PRKCE: variants seen among roughly 807,000 people sequenced by gnomAD.
The protein encoded by PRKCE is protein kinase C epsilon.
Under a neutral mutation model 85.4 loss-of-function variants are expected in PRKCE, and 16 were observed. The observed-to-expected ratio is 0.19, with a 90% CI of 0.13 to 0.28. PRKCE has a LOEUF of 0.28. PRKCE is among the 10% of genes least tolerant of loss of function. The pLI is 1.00. For missense variants in PRKCE, 573 were observed against 975.2 expected (o/e 0.59, Z 5.49); for synonymous variants, 388 against 371.5 (o/e 1.04, Z -0.51).
intron 1 of PRKCE, among the ~76,000 whole-genome samples, chr2:45,732,653 C>T (rs1681681028): frequency 6.6e-6 from 1 of 152,208 alleles, no homozygotes; most frequent in Non-Finnish European, 1.5e-5. Context: ...AATCCAGCTA[C>T]ACATAGCTTT....
chr2:45,958,806 ATATATATATATTTTTTTTTTTTTTT>A (rs1701164640), intron 2 of PRKCE, among the ~76,000 whole-genome samples: 2 of 22,518 alleles, frequency 8.9e-5, no homozygotes, highest in South Asian at 3.1e-3. Flanking sequence ...ATATATATAT[ATATATATATATTTTTTTTTTTTTTT>A]TTTTTTTTTT....
chr2:45,966,208 T>C (rs6706140), intron 2 of PRKCE, among the ~76,000 whole-genome samples: 69,724 of 152,066 alleles, frequency 0.46, 16,091 homozygotes, highest in African/African-American at 0.54. Flanking sequence ...AGAGGAAGTA[T>C]GTAAGATGCT....
chr2:45,817,091 GTGTGT>G (rs1689118220), intron 1 of PRKCE, among the ~76,000 whole-genome samples: 1 of 151,342 alleles, frequency 6.6e-6, no homozygotes, highest in Non-Finnish European at 1.5e-5. Flanking sequence ...GTGTGTGTGT[GTGTGT>G]GTGTGTGTGT....
intron 1 of PRKCE, among the ~76,000 whole-genome samples, chr2:45,708,678 A>G (rs1679339231): frequency 6.6e-6 from 1 of 152,088 alleles, no homozygotes; most frequent in Non-Finnish European, 1.5e-5. Context: ...TAGTGTGAAA[A>G]CGGACTAATA....
chr2:46,035,630 G>A (rs900625146), intron 10 of PRKCE, among the ~76,000 whole-genome samples: 3 of 152,222 alleles, frequency 2.0e-5, no homozygotes, highest in African/African-American at 7.2e-5. Flanking sequence ...CATTTGTCAT[G>A]TATTTGGCAT....
chr2:45,912,981 G>C (rs564245527), intron 2 of PRKCE, among the ~76,000 whole-genome samples: 9 of 152,238 alleles, frequency 5.9e-5, no homozygotes, highest in Admixed American at 5.9e-4. Context: ...AAAATATCTG[G>C]AACTGGTGGT....
At position 46,168,356 on chromosome 2, in the gene PRKCE, G is replaced by A. The variant is rs906085906; in HGVS notation, c.2067+8604G>A. 4.6e-4 allele frequency among the ~76,000 whole-genome samples: 70 copies of A among 152,160 alleles called. 1 individual carries two copies. Among genetic ancestry groups the A allele is most frequent in the African/African-American group, 1.5e-3 (63 of 41,440 alleles). On this transcript the variant is annotated intron_variant, in intron 14 of 14. Transcript: ENST00000306156. ...AGCATGGGAGGACTTCCTAGGCCAC[G>A]CCTGATCAAACCAGAGGACAGCAGG...
At chr2:46,003,971 C>G (rs1362130286) in intron 7 of PRKCE, 1 of 154,926 alleles carries the variant, frequency 6.5e-6, no homozygotes, top group Non-Finnish European at 1.4e-5. Context: ...ATTGTTTTTT[C>G]CTTGCATTTG....
chr2:45,911,505 C>G (rs953567248), intron 2 of PRKCE, among the ~76,000 whole-genome samples: 1 of 152,152 alleles, frequency 6.6e-6, no homozygotes, highest in Admixed American at 6.5e-5. Context: ...AAACATGGTC[C>G]CTTTCCCCTG....
intron 14 of PRKCE, among the ~76,000 whole-genome samples, chr2:46,171,269 C>T (rs912278530): frequency 3.3e-5 from 5 of 152,318 alleles, no homozygotes; most frequent in East Asian, 1.9e-4. Context: ...TTTTCTACAT[C>T]GTGTTCTGTC....
chr2:45,858,711 T>C (rs571112505), intron 2 of PRKCE, among the ~76,000 whole-genome samples: 1 of 152,202 alleles, frequency 6.6e-6, no homozygotes, highest in African/African-American at 2.4e-5. Context: ...TCCCAAGTAA[T>C]GTATTGTTTT....
intron 2 of PRKCE, among the ~76,000 whole-genome samples, chr2:45,963,750 C>T (rs1701542279): frequency 1.3e-5 from 2 of 152,224 alleles, no homozygotes; most frequent in Admixed American, 1.3e-4. Context: ...ACCTGGTCAG[C>T]ATTCTGGGCG....
chr2:46,174,064 A>G (rs1292412408), intron 14 of PRKCE, among the ~76,000 whole-genome samples: 1 of 152,232 alleles, frequency 6.6e-6, no homozygotes, highest in Non-Finnish European at 1.5e-5. Flanking sequence ...TGGTCCATTT[A>G]GAAAATAGAT....
rs537979250 is a variant in PRKCE at position 45,825,260 on chromosome 2, C to T, written c.349-17740C>T. ...GCTCTGCAGCCTAAGTAAGAGAGCA[C>T]CTTGGGCAATAGGTTTAGGCACTAG... is the stretch of plus-strand genomic sequence containing the variant. On this transcript the variant is annotated intron_variant, in intron 1 of 14. Transcript: ENST00000306156. 1.3e-4 allele frequency among the ~76,000 whole-genome samples: 20 copies of T among 152,306 alleles called. No individual in the cohort carries two copies. The South Asian group carries it at 3.9e-3, about 30-fold the overall frequency.
intron 2 of PRKCE, among the ~76,000 whole-genome samples, chr2:45,896,318 T>C (rs1352484290): frequency 1.3e-5 from 2 of 152,170 alleles, no homozygotes; most frequent in Non-Finnish European, 2.9e-5. Flanking sequence ...TTCCACTTCC[T>C]GACTAGCAGA....
chr2:45,821,926 A>T (rs1487175535), intron 1 of PRKCE, among the ~76,000 whole-genome samples: 1 of 152,108 alleles, frequency 6.6e-6, no homozygotes, highest in Admixed American at 6.5e-5. Flanking sequence ...GGCACCAGGG[A>T]CGAGAATGGA....
rs944922947 is a variant in PRKCE at position 45,697,679 on chromosome 2, C to A, written c.348+45231C>A. On this transcript the variant is annotated intron_variant, in intron 1 of 14. Transcript: ENST00000306156. This position sits in a 1 kb window ranked among gnomAD's most constrained non-coding sequence, Gnocchi z 4.2. ...TCACCTGAAGGCCCTTGGCTCCAAC[C>A]TGCCTCTGTTCCCAGGAGCTTTCTG... 3.9e-5 allele frequency among the ~76,000 whole-genome samples: 6 copies of A among 152,196 alleles called. No homozygotes were observed. Among genetic ancestry groups the A allele is most frequent in the African/African-American group, 1.2e-4 (5 of 41,446 alleles).
At chr2:46,006,016 C>G (rs1032227623) in intron 8 of PRKCE, among the ~76,000 whole-genome samples, 2 of 152,150 alleles carry the variant, frequency 1.3e-5, no homozygotes, top group Non-Finnish European at 2.9e-5. Flanking sequence ...GGCTCCTGCC[C>G]TGCATGCTCT....
At chr2:45,874,344 C>T (rs958860708) in intron 2 of PRKCE, among the ~76,000 whole-genome samples, 2 of 152,224 alleles carry the variant, frequency 1.3e-5, no homozygotes, top group African/African-American at 4.8e-5. Context: ...GCAGGGGCTT[C>T]GTGATGACGC....
Sources: allele counts gnomAD v4.1 joint callset (sites outside exome capture counted in the v4.1 genomes callset), GRCh38; gene constraint gnomAD v4.1.1; non-coding constraint Gnocchi (gnomAD v3.1); transcripts MANE v1.5; gene names NCBI Gene and HGNC (gene_info 2026-07-23, HGNC 2026-07-21).